The following SYCE1 variants were observed in gnomAD, a reference collection of about 807,000 sequenced individuals.
SYCE1 encodes synaptonemal complex central element protein 1.
SYCE1 carries 37 observed loss-of-function variants against 55.1 expected under a neutral mutation model. The ratio of observed to expected loss-of-function variants is 0.67; its 90% CI spans 0.52 to 0.88. SYCE1 has a LOEUF of 0.88. Ranked by LOEUF, SYCE1 falls within the 40% of genes least tolerant of loss-of-function variation. The pLI is 0.00. For missense variants in SYCE1, 399 were observed against 416.4 expected (o/e 0.96, Z 0.36); for synonymous variants, 163 against 159.4 (o/e 1.02, Z -0.17).
chr10:133,556,527 C>T (rs1851687345), intron 8 of SYCE1: 5 of 591,578 alleles, frequency 8.5e-6, no homozygotes, highest in East Asian at 2.9e-5. Context: ...CCAGACACAT[C>T]CACGGACAGT....
intron 7 of SYCE1, 35 bp downstream of exon 7, chr10:133,557,032 C>T (rs371773168): frequency 1.4e-5 from 23 of 1,595,800 alleles, no homozygotes; most frequent in African/African-American, 2.7e-5. Flanking sequence ...AACTACTGGC[C>T]ATCCAAACCC....
chr10:133,559,676 C>G (rs981364718), intron 2 of SYCE1: 30 of 421,724 alleles, frequency 7.1e-5, no homozygotes, highest in Non-Finnish European at 1.3e-4. Context: ...TGGTGGGGGG[C>G]AGGCCCTGCA....
At chr10:133,557,779 G>T (rs1851722686) in intron 6 of SYCE1, 85 bp downstream of exon 6, 2 of 1,449,716 alleles carry the variant, frequency 1.4e-6, no homozygotes, top group Non-Finnish European at 1.9e-6. Flanking sequence ...TGAGAGCTGT[G>T]GGTCTCAGAT....
chr10:133,558,148 A>G lies in SYCE1; in HGVS notation c.319+19T>C, dbSNP rs1564856639. On this transcript the variant is annotated intron_variant, in intron 5 of 12. Coordinates refer to ENST00000343131, the MANE Select transcript of SYCE1 (RefSeq NM_001143764.3). ...GGTTGGCAAAGGCACAAGCCTGGAG[A>G]CAGGGGAGCGGCAAATACCTTGTTT... 1 of 1,614,002 alleles carries G rather than the reference A, an allele frequency of 6.2e-7. No homozygotes were observed. Among genetic ancestry groups the G allele is most frequent in the Non-Finnish European group, 8.5e-7 (1 of 1,179,998 alleles).
At chr10:133,555,256 G>A (rs1001851983) in intron 12 of SYCE1, 95 bp downstream of exon 12, 12 of 1,585,500 alleles carry the variant, frequency 7.6e-6, no homozygotes, top group African/African-American at 1.3e-5. Context: ...ACCATCCTCT[G>A]AGGAGTCCCA....
At chr10:133,556,867 C>T in intron 7 of SYCE1, 45 bp from the exon 8 acceptor site, 1 of 1,602,892 alleles carries the variant, frequency 6.2e-7, no homozygotes, top group African/African-American at 1.3e-5. Flanking sequence ...CTGAAATCAC[C>T]ACCTTCACAG....
At chr10:133,565,085 C>T (rs190456262) in intron 1 of SYCE1, among the ~76,000 whole-genome samples, 1 of 152,304 alleles carries the variant, frequency 6.6e-6, no homozygotes, top group Non-Finnish European at 1.5e-5. Context: ...AATCTGGACA[C>T]TTGCTGGTTC....
intron 1 of SYCE1, among the ~76,000 whole-genome samples, chr10:133,561,691 C>T (rs1167641906): frequency 1.3e-5 from 2 of 152,146 alleles, no homozygotes; most frequent in Non-Finnish European, 2.9e-5. Context: ...CTTAATTTTT[C>T]CTTATCATTA....
At chr10:133,566,890 T>A (rs36158930), upstream of SYCE1, among the ~76,000 whole-genome samples, 21 of 26,408 alleles carry the variant, frequency 8.0e-4, no homozygotes, top group Non-Finnish European at 3.4e-3. Context: ...GGAGTTACAG[T>A]TGGGTTAAGG....
At position 133,556,054 on chromosome 10, in the gene SYCE1, G is replaced by A. The variant is rs747846714; in HGVS notation, c.529-7C>T. 2 of 1,613,122 alleles carry A rather than the reference G, an allele frequency of 1.2e-6. No homozygotes were observed. The highest frequency in any genetic ancestry group is 2.2e-5 in the East Asian group (1 of 44,878). The stretch of plus-strand genomic sequence containing the variant: ...TTGCCAGCCGCTCTGGCATCTGAGG[G>A]GCAGAAAAGAGGCCTGTCCACTCCT... On this transcript the variant is annotated splice_polypyrimidine_tract_variant and splice_region_variant and intron_variant, in intron 8 of 12. Coordinates refer to ENST00000343131, the MANE Select transcript of SYCE1 (RefSeq NM_001143764.3).
chr10:133,556,688 G>A lies in SYCE1; in HGVS notation c.528+71C>T. 1.3e-6 allele frequency: 2 copies of A among 1,489,582 alleles called. 1 individual carries two copies. The highest frequency in any genetic ancestry group is 2.4e-5 in the South Asian group (2 of 82,674). The allele number at this position is 1,489,582 out of a possible 1,614,324, so 92.3% of individuals were successfully genotyped here. ...GACTGGTTGTGGCAGGTGAGAGGAA[G>A]AAGTGACCGTTTGGGCCTGGTGCTG... On this transcript the variant is annotated intron_variant, in intron 8 of 12. Coordinates refer to ENST00000343131, the MANE Select transcript of SYCE1 (RefSeq NM_001143764.3).
chr10:133,555,936 G>A (rs781058270), intron 9 of SYCE1, 33 bp from the exon 10 acceptor site: 1 of 1,613,698 alleles, frequency 6.2e-7, no homozygotes, highest in East Asian at 2.2e-5. Flanking sequence ...AGCACATGAA[G>A]GCACGTGAGG....
chr10:133,568,027 A>C (rs766348224), upstream of SYCE1: 21 of 609,990 alleles, frequency 3.4e-5, no homozygotes, highest in South Asian at 3.2e-4. Context: ...GGGGGAGCCC[A>C]GGCCGGAGGA....
In SYCE1 at chr10:133,557,909, C is replaced by T. The variant is rs767790075; in HGVS notation, c.329G>A (p.Arg110Lys). The change falls in exon 6 of 13, where the codon AGG becomes AAG. Residue 110 changes from arginine to lysine, a missense_variant. By Grantham distance (26) the Arg-to-Lys change is conservative. Transcript: ENST00000343131. ...EILSKKQETL[R>K]ILRLHCQEKE... ...TTCCTGGCAATGCAGCCGGAGGATC[C>T]TCAGGGTCTCTGTAGGGAGAGCAAC... 1 of 1,614,080 alleles carries T rather than the reference C, an allele frequency of 6.2e-7. No homozygotes were observed. The highest frequency in any genetic ancestry group is 8.5e-7 in the Non-Finnish European group (1 of 1,180,038).
At chr10:133,567,975 C>T (rs1238933459), upstream of SYCE1, 5 of 586,888 alleles carry the variant, frequency 8.5e-6, 1 homozygote, top group Non-Finnish European at 1.3e-5. Context: ...GCCAGCAGCT[C>T]CTGCACCCAC....
At chr10:133,556,554 T>G in intron 8 of SYCE1, 1 of 621,542 alleles carries the variant, frequency 1.6e-6, no homozygotes, top group Non-Finnish European at 2.9e-6. Flanking sequence ...AGACTTGACC[T>G]TGGTCTCATC....
chr10:133,562,379 A>T (rs1851837323), intron 1 of SYCE1, among the ~76,000 whole-genome samples: 2 of 147,644 alleles, frequency 1.4e-5, no homozygotes, highest in Non-Finnish European at 3.0e-5. Flanking sequence ...TTTTTGGGCA[A>T]AAGTTTTTTT....
Position 133,565,459 on chromosome 10 carries a change from C to G in SYCE1, c.71G>C (p.Gly24Ala). The change falls in exon 1 of 13, where the codon GGA becomes GCA. Residue 24 changes from glycine (G) to alanine (A), a missense_variant and splice_region_variant. Coordinates refer to ENST00000343131, the MANE Select transcript of SYCE1 (RefSeq NM_001143764.3). ...AGAVDRAEKA[G>A]GQDTSSQKIE... ...AGTTCCCTGCCTCCCACCACTACCT[C>G]CGGCCTTCTCAGCCCTGTCCACGGC... The G allele has an allele frequency of 6.5e-7, 1 of 1,548,700 alleles. No homozygotes were observed. The highest frequency in any genetic ancestry group is 8.7e-7 in the Non-Finnish European group (1 of 1,146,116).
Position 133,560,096 on chromosome 10 carries a change from T to C in SYCE1, c.131A>G (p.Gln44Arg). The change falls in exon 2 of 13, where the codon CAG (glutamine) becomes CGG (arginine). Residue 44 changes from glutamine to arginine, a missense_variant. Transcript: ENST00000343131. ...EDLMEMVQKLQKVGSLEPRVE... is the reference protein window; with the variant it reads ...EDLMEMVQKLRKVGSLEPRVE... ...ACACAAAGGAGACACACGACCTTTC[T>C]GCAGCTTTTGCACCATTTCCATCAA... 6.2e-7 allele frequency: 1 copy of C among 1,614,118 alleles called. No individual in the cohort carries two copies. Among genetic ancestry groups the C allele is most frequent in the Non-Finnish European group, 8.5e-7 (1 of 1,179,974 alleles).
Sources: gnomAD v4.1 joint callset for allele counts (sites outside exome capture counted in the v4.1 genomes callset) on GRCh38, gnomAD v4.1.1 for gene constraint, MANE v1.5 for transcripts, NCBI Gene and HGNC (gene_info 2026-07-23, HGNC 2026-07-21) for gene names.